Variants in LHFPL7 observed in about 807,000 individuals in gnomAD.
LHFPL7 encodes LHFPL tetraspan subfamily member 7, also known as LHFPL tetraspan subfamily member 7 protein.
chr22:24,940,128 G>A, the LHFPL7 span, among the ~76,000 whole-genome samples: 1 of 148,438 alleles, frequency 6.7e-6, no homozygotes, highest in Non-Finnish European at 1.5e-5. Context: ...GGGTTCCACC[G>A]TGTTAGCCAG....
chr22:24,941,068 T>G, the LHFPL7 span, among the ~76,000 whole-genome samples: 5 of 152,102 alleles, frequency 3.3e-5, no homozygotes, highest in African/African-American at 1.2e-4. Context: ...TTGTTTTTTT[T>G]TTATTTTAAT....
the LHFPL7 span, among the ~76,000 whole-genome samples, chr22:24,939,924 CTTTTTTTTT>C: frequency 1.2e-3 from 106 of 86,992 alleles, 1 homozygote; most frequent in Middle Eastern, 6.8e-3. Context: ...TCATTTATCG[CTTTTTTTTT>C]TTTTTTTTTT....
At chr22:24,944,919 C>T in the LHFPL7 span, among the ~76,000 whole-genome samples, 2 of 152,026 alleles carry the variant, frequency 1.3e-5, no homozygotes, top group African/African-American at 4.8e-5. Context: ...AAGCAATTCT[C>T]CTGCCTCAGC....
At chr22:24,939,907 C>T in the LHFPL7 span, among the ~76,000 whole-genome samples, 1 of 135,064 alleles carries the variant, frequency 7.4e-6, no homozygotes, top group African/African-American at 2.8e-5. Context: ...TTTGTTCGTT[C>T]GTTCATTCAT....
the LHFPL7 span, among the ~76,000 whole-genome samples, chr22:24,943,302 A>G: frequency 2.6e-5 from 4 of 152,260 alleles, no homozygotes; most frequent in South Asian, 6.2e-4. Context: ...GCTCAATGTC[A>G]CCTGGGAAAA....
chr22:24,941,810 G>A, the LHFPL7 span, among the ~76,000 whole-genome samples: 1 of 151,176 alleles, frequency 6.6e-6, no homozygotes, highest in Non-Finnish European at 1.5e-5. Flanking sequence ...GGGATTACAG[G>A]CACAAGCCAT....
At chr22:24,942,120 C>T in the LHFPL7 span, among the ~76,000 whole-genome samples, 2 of 151,736 alleles carry the variant, frequency 1.3e-5, no homozygotes, top group Admixed American at 6.6e-5. Flanking sequence ...CTCAGCCTCC[C>T]GAGTAGCTGG....
the LHFPL7 span, among the ~76,000 whole-genome samples, chr22:24,941,813 C>A: frequency 6.6e-6 from 1 of 151,436 alleles, no homozygotes; most frequent in Non-Finnish European, 1.5e-5. Context: ...ATTACAGGCA[C>A]AAGCCATCAC....
At chr22:24,936,044 A>C in the LHFPL7 span, among the ~76,000 whole-genome samples, 108 of 151,538 alleles carry the variant, frequency 7.1e-4, no homozygotes, top group Non-Finnish European at 1.0e-3. Context: ...TCATTTTTGC[A>C]ATTCCCTAAC....
At chr22:24,935,637 G>T in the LHFPL7 span, 11 of 1,579,172 alleles carry the variant, frequency 7.0e-6, no homozygotes, top group South Asian at 1.1e-4. Context: ...TGGCCAAGGG[G>T]TACCTCACTA....
the LHFPL7 span, among the ~76,000 whole-genome samples, chr22:24,936,851 T>G: frequency 1.3e-5 from 2 of 152,156 alleles, no homozygotes; most frequent in Non-Finnish European, 2.9e-5. Context: ...GAGTTTTTTC[T>G]AGCATCCTTT....
the LHFPL7 span, among the ~76,000 whole-genome samples, chr22:24,943,316 C>T: frequency 5.3e-5 from 8 of 152,262 alleles, no homozygotes; most frequent in East Asian, 1.9e-4. Context: ...GGGAAAATCA[C>T]GTCAACCGTC....
the LHFPL7 span, among the ~76,000 whole-genome samples, chr22:24,940,780 T>C: frequency 7.3e-6 from 1 of 137,718 alleles, no homozygotes; most frequent in African/African-American, 2.6e-5. Flanking sequence ...CTTCCTTCCC[T>C]CTCTCTCTCT....
chr22:24,945,166 G>A, the LHFPL7 span, among the ~76,000 whole-genome samples: 1 of 152,164 alleles, frequency 6.6e-6, no homozygotes, highest in Non-Finnish European at 1.5e-5. Flanking sequence ...GTCTCCCAAA[G>A]TTTGGGGATT....
At chr22:24,943,051 T>G in the LHFPL7 span, among the ~76,000 whole-genome samples, 112 of 151,922 alleles carry the variant, frequency 7.4e-4, no homozygotes, top group African/African-American at 2.6e-3. Flanking sequence ...AAGTGGAATA[T>G]CCTCCCTTGA....
At chr22:24,940,970 A>G in the LHFPL7 span, among the ~76,000 whole-genome samples, 1 of 151,816 alleles carries the variant, frequency 6.6e-6, no homozygotes, top group African/African-American at 2.4e-5. Flanking sequence ...GCTAATTAGA[A>G]ACCTTTTTTC....
At chr22:24,938,092 C>T in the LHFPL7 span, 4 of 1,572,980 alleles carry the variant, frequency 2.5e-6, no homozygotes, top group Non-Finnish European at 3.4e-6. Flanking sequence ...TTCATTCATT[C>T]ATTCATTCCA....
At chr22:24,937,682 T>C in the LHFPL7 span, among the ~76,000 whole-genome samples, 1 of 152,204 alleles carries the variant, frequency 6.6e-6, no homozygotes, top group Non-Finnish European at 1.5e-5. Flanking sequence ...AATGAAGACC[T>C]GGCTAGTATA....
chr22:24,943,263 C>T, the LHFPL7 span, among the ~76,000 whole-genome samples: 2 of 152,270 alleles, frequency 1.3e-5, no homozygotes, highest in Middle Eastern at 3.4e-3. Flanking sequence ...CGTTTCTCAC[C>T]TTGAAAGGAG....
Sources: gnomAD v4.1 joint callset for allele counts (sites outside exome capture counted in the v4.1 genomes callset) on GRCh38, gnomAD v4.1.1 for gene constraint, MANE v1.5 for transcripts, NCBI Gene and HGNC (gene_info 2026-07-23, HGNC 2026-07-21) for gene names.